SNTG2: variants seen among roughly 807,000 people sequenced by gnomAD.
The protein encoded by SNTG2 is syntrophin gamma 2, also known as gamma-2-syntrophin.
In SNTG2, 74 loss-of-function variants were observed where a neutral mutation model predicts 70.9. That is an observed-to-expected ratio of 1.04 (90% confidence interval 0.86 to 1.27). The LOEUF (loss-of-function observed/expected upper bound fraction) is 1.27. Ranked by LOEUF, SNTG2 falls within the 50% of genes most tolerant of loss-of-function variation. The pLI is 0.00. For synonymous variants in SNTG2, 278 were observed against 273.8 expected (o/e 1.02, Z -0.15); for missense variants, 717 against 690.7 (o/e 1.04, Z -0.43).
chr2:1,211,447 T>C (rs952693223), intron 9 of SNTG2, among the ~76,000 whole-genome samples: 2 of 152,182 alleles, frequency 1.3e-5, no homozygotes, highest in Non-Finnish European at 2.9e-5. Context: ...AAATGTCTCC[T>C]ACTCTGAGGA....
chr2:1,133,578 C>T (rs1295402375), intron 4 of SNTG2, among the ~76,000 whole-genome samples: 2 of 152,150 alleles, frequency 1.3e-5, no homozygotes, highest in Non-Finnish European at 1.5e-5. Context: ...CACTTTTCAG[C>T]TAAAATCAAC....
intron 1 of SNTG2, among the ~76,000 whole-genome samples, chr2:1,072,394 G>T (rs1663636857): frequency 7.8e-6 from 1 of 127,576 alleles, no homozygotes. Context: ...GGGCCCTTAA[G>T]CATAATGCTA....
intron 1 of SNTG2, among the ~76,000 whole-genome samples, chr2:1,030,964 T>C (rs1014131433): frequency 6.6e-6 from 1 of 152,218 alleles, no homozygotes; most frequent in Non-Finnish European, 1.5e-5. Flanking sequence ...GTAGGGATTA[T>C]TCTTTAAGCA....
At chr2:995,618 G>T (rs1661653035) in intron 1 of SNTG2, among the ~76,000 whole-genome samples, 1 of 152,008 alleles carries the variant, frequency 6.6e-6, no homozygotes, top group Admixed American at 6.5e-5. Context: ...AGTTTGTGAA[G>T]AATTTGTATT....
chr2:1,351,612 G>C (rs964101706), intron 16 of SNTG2, among the ~76,000 whole-genome samples: 4 of 152,226 alleles, frequency 2.6e-5, no homozygotes, highest in Non-Finnish European at 5.9e-5. Flanking sequence ...GATGTGAACG[G>C]AGTCCTCTGT....
intron 1 of SNTG2, among the ~76,000 whole-genome samples, chr2:1,066,961 A>T (rs553167010): frequency 6.6e-6 from 1 of 152,256 alleles, no homozygotes; most frequent in East Asian, 1.9e-4. Context: ...GTGACCCAGC[A>T]CTGCACTGTA....
At chr2:1,271,141 T>C (rs1345566013) in intron 14 of SNTG2, among the ~76,000 whole-genome samples, 4 of 152,184 alleles carry the variant, frequency 2.6e-5, no homozygotes, top group Non-Finnish European at 5.9e-5. Flanking sequence ...ATTACAAATA[T>C]CGTTCCAAGT....
At chr2:1,131,584 GTTC>G (rs1206232123) in intron 4 of SNTG2, among the ~76,000 whole-genome samples, 1 of 151,908 alleles carries the variant, frequency 6.6e-6, no homozygotes, top group African/African-American at 2.4e-5. Flanking sequence ...AAACTCTCCT[GTTC>G]TTCTAGTTCA....
intron 8 of SNTG2, among the ~76,000 whole-genome samples, chr2:1,177,999 T>C: frequency 6.6e-6 from 1 of 152,342 alleles, no homozygotes; most frequent in South Asian, 2.1e-4. Flanking sequence ...TTCTTTAAAA[T>C]ATTTTTAATT....
chr2:1,170,283 G>A (rs4325782), intron 7 of SNTG2, among the ~76,000 whole-genome samples: 48,376 of 152,058 alleles, frequency 0.32, 8,269 homozygotes, highest in East Asian at 0.66. Flanking sequence ...CACTTCAGCA[G>A]TTTTAAATAT....
chr2:1,191,974 G>A (rs1049448282), intron 8 of SNTG2, among the ~76,000 whole-genome samples: 14 of 152,070 alleles, frequency 9.2e-5, no homozygotes, highest in African/African-American at 3.1e-4. Flanking sequence ...AGACATTTAA[G>A]TAAATAACTT....
rs1207965521 is a variant in SNTG2 at position 1,222,047 on chromosome 2, GTCTC to G, written c.719+12823_719+12826del. Among the ~76,000 whole-genome samples, 9 of 5,998 alleles carry G rather than the reference GTCTC, an allele frequency of 1.5e-3. 1 individual carries two copies. Among genetic ancestry groups the G allele is most frequent in the Admixed American group, 5.5e-3 (3 of 548 alleles). 3.9% of individuals were successfully genotyped at this position (5,998 alleles called of 152,430 possible). On this transcript the variant is annotated intron_variant, in intron 9 of 16. Coordinates refer to ENST00000308624, the MANE Select transcript of SNTG2 (RefSeq NM_018968.4). ...TCTCTGCCTATCTCTGTCTCTCTCTGTCTCTCTCTGTCTCTGTTTCTCTCTGTCT... is the reference window on the plus strand; with the variant it reads ...TCTCTGCCTATCTCTGTCTCTCTCTGTCTCTGTCTCTGTTTCTCTCTGTCT...
At chr2:1,176,049 G>A (rs1334731160) in intron 8 of SNTG2, among the ~76,000 whole-genome samples, 1 of 152,174 alleles carries the variant, frequency 6.6e-6, no homozygotes, top group African/African-American at 2.4e-5. Context: ...GACATGGGTA[G>A]AGTGACTAGC....
intron 16 of SNTG2, among the ~76,000 whole-genome samples, chr2:1,317,172 A>G (rs183441335): frequency 2.0e-3 from 89 of 44,592 alleles, no homozygotes; most frequent in Middle Eastern, 0.023. Flanking sequence ...GGATTCTGGA[A>G]CATTTAGCAT....
At chr2:1,162,567 G>T (rs1670393102) in intron 6 of SNTG2, among the ~76,000 whole-genome samples, 1 of 151,882 alleles carries the variant, frequency 6.6e-6, no homozygotes, top group Admixed American at 6.6e-5. Flanking sequence ...GACAGCGGAG[G>T]TCTGTGTGAT....
intron 1 of SNTG2, among the ~76,000 whole-genome samples, chr2:964,995 CTT>C (rs34188806): frequency 0.77 from 116,867 of 151,606 alleles, 46,226 homozygotes; most frequent in African/African-American, 0.93. Flanking sequence ...CCTTGGCCAC[CTT>C]TGCTTTTCCT....
At chr2:1,256,958 T>C (rs1176763603) in intron 12 of SNTG2, among the ~76,000 whole-genome samples, 4 of 112,110 alleles carry the variant, frequency 3.6e-5, no homozygotes, top group Non-Finnish European at 7.9e-5. Context: ...AAAGACCCAC[T>C]TCTTCTTTTT....
intron 9 of SNTG2, among the ~76,000 whole-genome samples, chr2:1,219,147 T>C (rs1483558820): frequency 6.6e-6 from 1 of 151,972 alleles, no homozygotes; most frequent in Non-Finnish European, 1.5e-5. Flanking sequence ...GAACCAGCTG[T>C]TAAAAGTGTA....
Position 1,342,107 on chromosome 2 carries a change from T to C in SNTG2, c.1489-25236T>C, listed in dbSNP as rs893748339. On this transcript the variant is annotated intron_variant, in intron 16 of 16. Coordinates refer to ENST00000308624, the MANE Select transcript of SNTG2 (RefSeq NM_018968.4). ...TTTTCCTTTAATATTTAAAACCTTCTTGAGGACCTAATTAATGCAAATCAG... is the reference window on the plus strand; with the variant it reads ...TTTTCCTTTAATATTTAAAACCTTCCTGAGGACCTAATTAATGCAAATCAG... Among the ~76,000 whole-genome samples, 5 of 152,242 alleles carry C rather than the reference T, an allele frequency of 3.3e-5. 1 individual carries two copies. Among genetic ancestry groups the C allele is most frequent in the South Asian group, 4.1e-4 (2 of 4,834 alleles).
Sources: allele counts gnomAD v4.1 joint callset (sites outside exome capture counted in the v4.1 genomes callset), GRCh38; gene constraint gnomAD v4.1.1; transcripts MANE v1.5; gene names NCBI Gene and HGNC (gene_info 2026-07-23, HGNC 2026-07-21).